The following LUZP1 variants were observed in gnomAD, a reference collection of about 807,000 sequenced individuals.
The protein encoded by LUZP1 is leucine zipper protein 1, also known as filamin mechanobinding actin cross-linking protein.
LUZP1 carries 25 observed loss-of-function variants against 71.3 expected under a neutral mutation model. That is an observed-to-expected ratio of 0.35 (90% CI 0.26 to 0.49). The LOEUF (loss-of-function observed/expected upper bound fraction) is 0.49. Ranked by LOEUF, LUZP1 falls within the 20% of genes least tolerant of loss-of-function variation. The probability of loss-of-function intolerance (pLI) is 0.99; values close to 1 mark genes in which losing one functional copy is unlikely to be tolerated. For synonymous variants in LUZP1, 481 were observed against 506.4 expected (o/e 0.95, Z 0.67); for missense variants, 1,142 against 1,300.8 (o/e 0.88, Z 1.88).
chr1:23,170,808 C>T (rs1253051750), intron 1 of LUZP1, among the ~76,000 whole-genome samples: 1 of 152,008 alleles, frequency 6.6e-6, no homozygotes, highest in Non-Finnish European at 1.5e-5. Context: ...TGACCAGGCG[C>T]GGTTGCTCAT....
chr1:23,138,685 GTGTGTGTGTGTGTATATA>G (rs1644274968), intron 2 of LUZP1, among the ~76,000 whole-genome samples: 2 of 105,568 alleles, frequency 1.9e-5, no homozygotes, highest in African/African-American at 1.2e-4. Flanking sequence ...GTGTGTGTGT[GTGTGTGTGTGTGTATATA>G]TATATATATA....
At chr1:23,170,125 A>C (rs1055112740) in intron 1 of LUZP1, among the ~76,000 whole-genome samples, 11 of 152,158 alleles carry the variant, frequency 7.2e-5, no homozygotes, top group African/African-American at 2.4e-4. Context: ...CCCTGTTCTG[A>C]ATAACCAATA....
intron 3 of LUZP1, among the ~76,000 whole-genome samples, chr1:23,103,643 TAAC>T (rs1298746102): frequency 6.6e-6 from 1 of 151,932 alleles, no homozygotes; most frequent in African/African-American, 2.4e-5. Context: ...TTGGCACATT[TAAC>T]CACCTGATTA....
chr1:23,110,525 G>A (rs1416175758), intron 2 of LUZP1, among the ~76,000 whole-genome samples: 2 of 151,926 alleles, frequency 1.3e-5, no homozygotes, highest in African/African-American at 2.4e-5. Context: ...GCCACCTTGT[G>A]ACTGCCTTCC....
intron 2 of LUZP1, among the ~76,000 whole-genome samples, chr1:23,149,556 G>A (rs1447463876): frequency 6.6e-6 from 1 of 152,176 alleles, no homozygotes; most frequent in African/African-American, 2.4e-5. Context: ...TGAATATACA[G>A]ACATTGGGTC....
Position 23,133,314 on chromosome 1 carries a change from C to T in LUZP1, c.-225-24187G>A, listed in dbSNP as rs544348266. 8.3e-4 allele frequency among the ~76,000 whole-genome samples: 127 copies of T among 152,164 alleles called. 1 individual carries two copies. Among genetic ancestry groups the T allele is most frequent in the African/African-American group, 2.4e-3 (100 of 41,514 alleles). ...AGATATTAAGAACTATAATCACAAC[C>T]GCCAGTGTAATAATTGATTCAAGCT... is the stretch of plus-strand genomic sequence containing the variant. On this transcript the variant is annotated intron_variant, in intron 2 of 4. Transcript: ENST00000302291.
chr1:23,168,883 G>T (rs1644533482), exon 2 of LUZP1: 1 of 152,252 alleles, frequency 6.6e-6, no homozygotes, highest in African/African-American at 2.4e-5. Context: ...AAATTGTGAC[G>T]TCAGCGTTCT....
At chr1:23,166,423 G>A (rs1212007899) in intron 2 of LUZP1, among the ~76,000 whole-genome samples, 1 of 152,074 alleles carries the variant, frequency 6.6e-6, no homozygotes, top group Non-Finnish European at 1.5e-5. Flanking sequence ...GGGAGGCCGA[G>A]GCGGGCAGAT....
chr1:23,089,104 C>T, intron 4 of LUZP1, 51 bp from the exon 4 acceptor site: 1 of 1,567,966 alleles, frequency 6.4e-7, no homozygotes, highest in Non-Finnish European at 8.8e-7. Context: ...AAAGTGAGGA[C>T]CGAGACACCC....
At chr1:23,173,987 A>C (rs1418679918) in intron 1 of LUZP1, among the ~76,000 whole-genome samples, 6 of 151,552 alleles carry the variant, frequency 4.0e-5, no homozygotes, top group African/African-American at 1.5e-4. Flanking sequence ...AGCAGGGAGA[A>C]TTTTTTTTTG....
intron 2 of LUZP1, among the ~76,000 whole-genome samples, chr1:23,146,207 G>A (rs1163434155): frequency 6.6e-6 from 1 of 152,054 alleles, no homozygotes; most frequent in African/African-American, 2.4e-5. Context: ...TAGTAGAGAC[G>A]GGGTTTCACC....
In LUZP1 at chr1:23,094,431, C is replaced by T. The variant is rs759453728; in HGVS notation, c.-119-51G>A. On this transcript the variant is annotated intron_variant, in intron 3 of 4. Transcript: ENST00000302291. This position sits in a 1 kb window ranked among gnomAD's most constrained non-coding sequence, Gnocchi z 4.7. ...TCAGTCAGCAAATGTAAAACCTGCA[C>T]GTTAGCTCCCAGTTATAGAAAAGTG... 7.2e-5 allele frequency: 95 copies of T among 1,320,544 alleles called. No individual in the cohort carries two copies. Among genetic ancestry groups the T allele is most frequent in the Admixed American group, 1.0e-4 (3 of 29,218 alleles). 81.8% of individuals were successfully genotyped at this position (1,320,544 alleles called of 1,614,324 possible).
Position 23,093,891 on chromosome 1 carries a change from T to G in LUZP1, c.371A>C (p.Glu124Ala), listed in dbSNP as rs1393063982. ...ATTCTTACTCCTGCTGAAGGCCTCT[T>G]CTAGCTTCTCTAATTCAGCCATTCG... Residue 124 changes from glutamate (E) to alanine (A), a missense_variant, in exon 4 of 5, where the codon GAA becomes GCA. Physicochemically the swap from Glu to Ala is moderately radical, Grantham distance 107. Coordinates refer to ENST00000302291, the Ensembl canonical transcript of LUZP1. The surrounding 1 kb of genome is among the most constrained non-coding windows in gnomAD (Gnocchi z 4.2). The G allele has an allele frequency of 1.2e-6, 2 of 1,614,034 alleles. No individual in the cohort carries two copies. The highest frequency in any genetic ancestry group is 2.7e-5 in the African/African-American group (2 of 74,924).
chr1:23,147,206 C>T (rs899716116), intron 2 of LUZP1, among the ~76,000 whole-genome samples: 4 of 151,218 alleles, frequency 2.6e-5, no homozygotes, highest in African/African-American at 9.7e-5. Flanking sequence ...TTTGGGAGGC[C>T]GAGACGGGTG....
chr1:23,154,402 G>C (rs1644405954), intron 2 of LUZP1, among the ~76,000 whole-genome samples: 1 of 152,106 alleles, frequency 6.6e-6, no homozygotes, highest in African/African-American at 2.4e-5. Context: ...TACCAGGCAT[G>C]GTGGTTTGTG....
chr1:23,174,518 C>G (rs1644571682), intron 1 of LUZP1, among the ~76,000 whole-genome samples: 1 of 152,156 alleles, frequency 6.6e-6, no homozygotes, highest in Non-Finnish European at 1.5e-5. Context: ...TAAAATTCAC[C>G]ATCACACTGT....
chr1:23,092,302 T>C lies in LUZP1; in HGVS notation c.1960A>G (p.Arg654Gly), dbSNP rs1239273134. 1 of 1,614,100 alleles carries C rather than the reference T, an allele frequency of 6.2e-7. No individual in the cohort carries two copies. Among genetic ancestry groups the C allele is most frequent in the East Asian group, 2.2e-5 (1 of 44,896 alleles). The change falls in exon 4 of 5, where the codon AGA (arginine) becomes GGA (glycine). Residue 654 changes from arginine (R) to glycine (G), a missense_variant. Arg to Gly is a moderately radical substitution (Grantham distance 125, BLOSUM62 -2). Transcript: ENST00000302291. Reference sequence around the variant, plus strand: ...TCATCATCTGAGTCTGGCTTCTCTCTGCCACTGGATTTGATGACTCGACAC... The same window carrying C: ...TCATCATCTGAGTCTGGCTTCTCTCCGCCACTGGATTTGATGACTCGACAC...
chr1:23,084,287 G>C (rs1643723518), exon 5 of LUZP1: 1 of 152,110 alleles, frequency 6.6e-6, no homozygotes, highest in East Asian at 1.9e-4. Flanking sequence ...CTCAGAGCAG[G>C]GAGGATCAGT....
At chr1:23,113,886 G>T (rs1316596900) in intron 2 of LUZP1, among the ~76,000 whole-genome samples, 1 of 87,164 alleles carries the variant, frequency 1.1e-5, no homozygotes, top group Non-Finnish European at 2.5e-5. Context: ...CTCAAAAAAA[G>T]AAAAAAAAAA....
Sources: gnomAD v4.1 joint callset for allele counts (sites outside exome capture counted in the v4.1 genomes callset) on GRCh38, gnomAD v4.1.1 for gene constraint, Gnocchi (gnomAD v3.1) non-coding constraint, MANE v1.5 for transcripts, NCBI Gene and HGNC (gene_info 2026-07-23, HGNC 2026-07-21) for gene names.